The following MAP4 variants were observed in gnomAD, a reference collection of about 807,000 sequenced individuals.
MAP4 encodes microtubule-associated protein 4.
A neutral mutation model predicts 170.2 loss-of-function variants in MAP4; 76 were observed. The observed-to-expected ratio is 0.45, with a 90% CI of 0.37 to 0.54. The LOEUF (loss-of-function observed/expected upper bound fraction) is 0.54, where lower values mean the gene tolerates loss of function less well. Among genes scored for constraint, MAP4 ranks in the 20% least tolerant of loss-of-function variants. MAP4 has a pLI of 0.00. For synonymous variants in MAP4, 909 were observed against 994.5 expected, an observed-to-expected ratio of 0.91 and a Z score of 1.62; for missense variants, 2,506 against 2,748.0, an observed-to-expected ratio of 0.91 and a Z score of 1.97.
chr3:48,051,092 C>CCACACACACACACA lies in MAP4; in HGVS notation c.-20+37667_-20+37680dup, dbSNP rs145028487. Among the ~76,000 whole-genome samples the CCACACACACACACA allele has an allele frequency of 1.1e-3, 161 of 144,010 alleles. 2 individuals carry two copies. Among genetic ancestry groups the CCACACACACACACA allele is most frequent in the African/African-American group, 4.0e-3 (156 of 38,760 alleles). 94.5% of individuals were successfully genotyped at this position (144,010 alleles called of 152,430 possible). A position where few individuals can be genotyped will look rare whatever the true frequency, so the allele number is the denominator to read the frequency against. ...ATCACCTTTGAAAACCATTCAATTT[C>CCACACACACACACA]CACACACACACACACACACACACAC... On this transcript the variant is annotated intron_variant, in intron 1 of 18. Coordinates refer to the MAP4 transcript ENST00000360240.
At chr3:48,087,493 A>G (rs1460494045) in intron 1 of MAP4, among the ~76,000 whole-genome samples, 2 of 151,976 alleles carry the variant, frequency 1.3e-5, no homozygotes, top group Middle Eastern at 3.4e-3. Flanking sequence ...TTCCCTCACC[A>G]CACCCATTTC....
intron 1 of MAP4, among the ~76,000 whole-genome samples, chr3:48,038,014 A>G (rs904106692): frequency 1.8e-4 from 17 of 95,770 alleles, no homozygotes; most frequent in African/African-American, 5.4e-4. Context: ...TAAATATACA[A>G]AAATTAGCCA....
chr3:48,050,905 CAAA>C (rs550968391), intron 1 of MAP4, among the ~76,000 whole-genome samples: 3 of 106,058 alleles, frequency 2.8e-5, no homozygotes, highest in Non-Finnish European at 2.0e-5. Flanking sequence ...AACTCCATCT[CAAA>C]AAAAAAAAAA....
intron 1 of MAP4, among the ~76,000 whole-genome samples, chr3:48,025,978 T>C (rs899505493): frequency 2.0e-5 from 3 of 150,518 alleles, no homozygotes; most frequent in African/African-American, 7.3e-5. Context: ...TCCTGGACTA[T>C]TGTCATTAGA....
chr3:48,008,450 C>T (rs779766614), intron 1 of MAP4, among the ~76,000 whole-genome samples: 8 of 152,184 alleles, frequency 5.3e-5, no homozygotes, highest in Non-Finnish European at 1.0e-4. Flanking sequence ...GAACTTCGAG[C>T]AGTGCACCTG....
chr3:47,863,991 C>CT (rs376782302), intron 17 of MAP4, among the ~76,000 whole-genome samples: 525 of 147,870 alleles, frequency 3.6e-3, no homozygotes, highest in Non-Finnish European at 4.9e-3. Context: ...GTCCTCCTCC[C>CT]TTTTTTTTCA....
At chr3:47,952,258 TG>T (rs1299562955) in intron 3 of MAP4, among the ~76,000 whole-genome samples, 4 of 143,674 alleles carry the variant, frequency 2.8e-5, no homozygotes, top group Admixed American at 7.0e-5. Context: ...GGGAGGGAGG[TG>T]GGGGGGTCAG....
chr3:48,002,821 G>A (rs1048436879), intron 1 of MAP4, among the ~76,000 whole-genome samples: 5 of 145,948 alleles, frequency 3.4e-5, no homozygotes, highest in African/African-American at 7.7e-5. Context: ...AGGTTGCAGT[G>A]AGCCGAGATT....
intron 8 of MAP4, among the ~76,000 whole-genome samples, chr3:47,912,636 T>C (rs1415092208): frequency 2.0e-5 from 3 of 152,214 alleles, no homozygotes; most frequent in Non-Finnish European, 2.9e-5. Context: ...TAACAGATCA[T>C]CATCTCAGGT....
At chr3:48,008,267 C>T (rs1447750826) in intron 1 of MAP4, among the ~76,000 whole-genome samples, 1 of 152,214 alleles carries the variant, frequency 6.6e-6, no homozygotes, top group Non-Finnish European at 1.5e-5. Context: ...CTGATGGCCT[C>T]ATGGGGAGTT....
chr3:47,980,699 A>G (rs919590973), intron 2 of MAP4, among the ~76,000 whole-genome samples: 1 of 152,236 alleles, frequency 6.6e-6, no homozygotes, highest in African/African-American at 2.4e-5. Context: ...CACAAACTGC[A>G]TTTTACTTAT....
At chr3:47,921,398 A>G (rs1262464163) in intron 5 of MAP4, among the ~76,000 whole-genome samples, 2 of 150,872 alleles carry the variant, frequency 1.3e-5, no homozygotes, top group African/African-American at 2.4e-5. Flanking sequence ...ATTAGCCTGG[A>G]GATGGCACCA....
chr3:47,895,741 C>CA (rs2100026486), intron 10 of MAP4, among the ~76,000 whole-genome samples: 1 of 152,186 alleles, frequency 6.6e-6, no homozygotes, highest in African/African-American at 2.4e-5. Context: ...CTTCAGATAT[C>CA]ACATATTCTG....
At chr3:47,861,429 T>C (rs1466548872) in intron 17 of MAP4, among the ~76,000 whole-genome samples, 1 of 149,444 alleles carries the variant, frequency 6.7e-6, no homozygotes, top group Admixed American at 6.7e-5. Flanking sequence ...TTCAACTCAC[T>C]GCAACCTCCG....
intron 9 of MAP4, among the ~76,000 whole-genome samples, chr3:47,905,828 A>G (rs1159467233): frequency 6.6e-6 from 1 of 152,048 alleles, no homozygotes; most frequent in Non-Finnish European, 1.5e-5. Flanking sequence ...ACCCAGCTCT[A>G]CTAAAAATAC....
rs761159791 is a variant in MAP4 at position 47,999,595 on chromosome 3, C to T, written c.-19-716G>A. Among the ~76,000 whole-genome samples the T allele has an allele frequency of 2.6e-5, 4 of 152,018 alleles. No homozygotes were observed. The South Asian group carries it at 6.2e-4, about 24-fold the overall frequency. On this transcript the variant is annotated intron_variant, in intron 1 of 20. Coordinates refer to ENST00000683076, the MANE Select transcript of MAP4 (RefSeq NM_001385682.1). The stretch of plus-strand genomic sequence containing the variant: ...GAGGATATTATCCGCAGCAAACTGA[C>T]GCAGGAACAGAAAACCAAATACCAC...
upstream of MAP4, among the ~76,000 whole-genome samples, chr3:48,019,240 GCTGAGGCAGTAGGATTC>G (rs2100109368): frequency 6.6e-6 from 1 of 152,120 alleles, no homozygotes. Flanking sequence ...CTCTCAGGAG[GCTGAGGCAGTAGGATTC>G]CTTGAGCCCA....
intron 1 of MAP4, among the ~76,000 whole-genome samples, chr3:48,081,122 T>C (rs1042639882): frequency 2.0e-5 from 3 of 146,776 alleles, no homozygotes; most frequent in Middle Eastern, 3.5e-3. Context: ...AGACTCCATC[T>C]CAAAAAACAG....
chr3:47,876,122 TTTTC>T (rs1327933692), intron 11 of MAP4, among the ~76,000 whole-genome samples: 3 of 128,716 alleles, frequency 2.3e-5, no homozygotes, highest in African/African-American at 3.3e-5. Flanking sequence ...AATAGTTTCT[TTTTC>T]TTTTTCTTTC....
Sources: gnomAD v4.1 joint callset for allele counts (sites outside exome capture counted in the v4.1 genomes callset) on GRCh38, gnomAD v4.1.1 for gene constraint, MANE v1.5 for transcripts, NCBI Gene and HGNC (gene_info 2026-07-23, HGNC 2026-07-21) for gene names.